Variants in RAD51B observed in about 807,000 individuals in gnomAD.
RAD51B encodes RAD51 paralog B, also known as DNA repair protein RAD51 homolog 2.
RAD51B carries 38 observed loss-of-function variants against 42.2 expected under a neutral mutation model. The observed-to-expected ratio is 0.90, with a 90% confidence interval of 0.70 to 1.18. The LOEUF (loss-of-function observed/expected upper bound fraction) is 1.18. Ranked by LOEUF, RAD51B falls within the 50% of genes most tolerant of loss-of-function variation. The pLI is 0.00. For missense variants in RAD51B, 373 were observed against 400.7 expected (o/e 0.93, Z 0.59); for synonymous variants, 154 against 145.2 (o/e 1.06, Z -0.43).
chr14:68,428,706 T>C lies in RAD51B; in HGVS notation c.957+17179T>C, dbSNP rs540448608. 8.6e-3 allele frequency among the ~76,000 whole-genome samples: 915 copies of C among 106,196 alleles called. 17 individuals are homozygous for C. Among genetic ancestry groups the C allele is most frequent in the African/African-American group, 0.035 (866 of 24,854 alleles). The allele number at this position is 106,196 out of a possible 152,430, so 69.7% of individuals were successfully genotyped here. A position where few individuals can be genotyped will look rare whatever the true frequency, so the allele number is the denominator to read the frequency against. ...CCATGTTGCATATGGCAGGATTTTC[T>C]TTATATATATATATATATATATATA... On this transcript the variant is annotated intron_variant, in intron 9 of 10. Transcript: ENST00000471583.
intron 10 of RAD51B, among the ~76,000 whole-genome samples, chr14:68,530,446 C>CATAAAAAAAAAAAAAAAA (rs1887214408): frequency 1.5e-5 from 1 of 67,844 alleles, no homozygotes; most frequent in Admixed American, 2.1e-4. Context: ...GACCCTGTCT[C>CATAAAAAAAAAAAAAAAA]AAAAAAAAAA....
intron 8 of RAD51B, among the ~76,000 whole-genome samples, chr14:68,343,093 A>C (rs8013968): frequency 0.68 from 103,132 of 151,872 alleles, 35,259 homozygotes; most frequent in Non-Finnish European, 0.73. Flanking sequence ...ATAATTAAAT[A>C]AAACTAATTA....
exon 11 of RAD51B, chr14:68,650,795 T>C (rs8023214): frequency 0.56 from 422,693 of 758,280 alleles, 122,129 homozygotes; most frequent in African/African-American, 0.7. Context: ...TTGGCACATT[T>C]GCATATCTGG....
intron 7 of RAD51B, among the ~76,000 whole-genome samples, chr14:68,028,371 C>T (rs930871955): frequency 6.6e-6 from 1 of 152,214 alleles, no homozygotes. Flanking sequence ...GAAACCATGG[C>T]AGGGAGATAG....
intron 7 of RAD51B, among the ~76,000 whole-genome samples, chr14:67,959,737 C>T (rs188568600): frequency 5.3e-5 from 8 of 152,190 alleles, no homozygotes; most frequent in South Asian, 4.1e-4. Context: ...TATATATTTG[C>T]TTATTCCTGC....
chr14:68,234,553 C>G (rs1170130673), intron 7 of RAD51B, among the ~76,000 whole-genome samples: 2 of 152,116 alleles, frequency 1.3e-5, no homozygotes, highest in Non-Finnish European at 2.9e-5. Context: ...GGCAGCAAAC[C>G]TGTAGAGCAT....
intron 9 of RAD51B, among the ~76,000 whole-genome samples, chr14:68,450,483 T>A (rs2085532668): frequency 6.6e-6 from 1 of 152,132 alleles, no homozygotes; most frequent in Non-Finnish European, 1.5e-5. Flanking sequence ...CCGCCCGAAG[T>A]GCTGGGATTA....
At position 68,102,376 on chromosome 14, in the gene RAD51B, C is replaced by G. The variant is rs141764489; in HGVS notation, c.757-189508C>G. On this transcript the variant is annotated intron_variant, in intron 7 of 10. Transcript: ENST00000471583. ...CAATTTTTTAAAACTTTATGCTTTG[C>G]ATCCTTTTTAAACATAGATTCCAAT... 6.6e-5 allele frequency among the ~76,000 whole-genome samples: 10 copies of G among 152,276 alleles called. No individual in the cohort carries two copies. In the East Asian group the frequency reaches 1.9e-3, roughly 29 times the overall value.
chr14:67,867,836 A>G (rs1735911257), intron 5 of RAD51B, among the ~76,000 whole-genome samples: 1 of 152,222 alleles, frequency 6.6e-6, no homozygotes, highest in African/African-American at 2.4e-5. Context: ...GTATGTGTTC[A>G]CATTGTCTCC....
chr14:68,636,235 A>C (rs1892336535), intron 10 of RAD51B, among the ~76,000 whole-genome samples: 1 of 152,140 alleles, frequency 6.6e-6, no homozygotes, highest in Admixed American at 6.5e-5. Context: ...AGAACAGGAG[A>C]CACAATTCAG....
intron 11 of RAD51B, among the ~76,000 whole-genome samples, chr14:68,682,724 T>C (rs1893458575): frequency 1.3e-5 from 2 of 149,306 alleles, no homozygotes; most frequent in Non-Finnish European, 3.0e-5. Context: ...TGGACATATG[T>C]TAGGAAGAAA....
chr14:68,348,594 TG>T lies in RAD51B; in HGVS notation c.853+56615del, dbSNP rs2082719409. Among the ~76,000 whole-genome samples the T allele has an allele frequency of 2.0e-5, 3 of 152,286 alleles. No individual in the cohort carries two copies. In the South Asian group the frequency reaches 6.2e-4, roughly 32 times the overall value. On this transcript the variant is annotated intron_variant, in intron 8 of 10. Transcript: ENST00000471583. The stretch of plus-strand genomic sequence containing the variant: ...TTTGTTTAAAAACAAAAGAAGCAAT[TG>T]AAGATTAACATTGACTTTGTCTCGC...
chr14:67,835,106 T>C lies in RAD51B; in HGVS notation c.225T>C (p.Ser75=). 6.2e-7 allele frequency: 1 copy of C among 1,613,698 alleles called. No homozygotes were observed. Among genetic ancestry groups the C allele is most frequent in the East Asian group, 2.2e-5 (1 of 44,870 alleles). The change falls in exon 4 of 11, where the codon TCT becomes TCC. Residue 75 remains serine, a synonymous_variant. Coordinates refer to ENST00000471583, the MANE Select transcript of RAD51B (RefSeq NM_133510.4). The stretch of plus-strand genomic sequence containing the variant: ...CTTATGGGATAAAAGCACAAAGGTC[T>C]GCTGATTTCTCACCAGCATTCTTAT... The part of the protein sequence containing the change: ...QTAYGIKAQR[S]ADFSPAFLST...
intron 10 of RAD51B, among the ~76,000 whole-genome samples, chr14:68,534,871 A>C (rs184349089): frequency 1.3e-5 from 2 of 152,274 alleles, no homozygotes; most frequent in Admixed American, 1.3e-4. Context: ...TTGTTGATTG[A>C]TTGATTAATA....
chr14:68,013,825 G>A (rs1229170981), intron 7 of RAD51B, among the ~76,000 whole-genome samples: 1 of 152,114 alleles, frequency 6.6e-6, no homozygotes, highest in Non-Finnish European at 1.5e-5. Flanking sequence ...TAAGTACAAA[G>A]GTCAGGCATC....
chr14:68,159,866 C>T (rs1413404924), intron 7 of RAD51B, among the ~76,000 whole-genome samples: 3 of 152,102 alleles, frequency 2.0e-5, no homozygotes, highest in South Asian at 2.1e-4. Flanking sequence ...TAAGCAGTCA[C>T]TTATTAACCC....
intron 7 of RAD51B, among the ~76,000 whole-genome samples, chr14:67,959,359 G>C (rs112497800): frequency 0.026 from 4,008 of 151,846 alleles, 176 homozygotes; most frequent in African/African-American, 0.092. Context: ...CCATTCTCCT[G>C]CCTCAGCCTC....
intron 7 of RAD51B, among the ~76,000 whole-genome samples, chr14:68,139,755 G>A (rs375036537): frequency 6.6e-6 from 1 of 152,190 alleles, no homozygotes; most frequent in African/African-American, 2.4e-5. Flanking sequence ...TTTGGAAAAA[G>A]GTCTCATAAA....
downstream of RAD51B, among the ~76,000 whole-genome samples, chr14:68,596,942 C>T (rs544239751): frequency 2.0e-5 from 3 of 152,332 alleles, no homozygotes; most frequent in African/African-American, 4.8e-5. Context: ...AAGGGTGCCA[C>T]GTTACCTAAT....
Sources: allele counts gnomAD v4.1 joint callset (sites outside exome capture counted in the v4.1 genomes callset), GRCh38; gene constraint gnomAD v4.1.1; transcripts MANE v1.5; gene names NCBI Gene and HGNC (gene_info 2026-07-23, HGNC 2026-07-21).